The following CUBN variants were observed in gnomAD, a reference collection of about 807,000 sequenced individuals.
The protein encoded by CUBN is 460 kDa receptor.
Under a neutral mutation model 405.3 loss-of-function variants are expected in CUBN, and 282 were observed. The observed-to-expected ratio is 0.70, with a 90% CI of 0.63 to 0.77. CUBN has a LOEUF of 0.77. Among genes scored for constraint, CUBN ranks in the 30% least tolerant of loss-of-function variants. The pLI is 0.00. For synonymous variants in CUBN, 1,684 were observed against 1,617.0 expected, an observed-to-expected ratio of 1.04 and a Z score of -0.99; for missense variants, 4,514 against 4,475.2, an observed-to-expected ratio of 1.01 and a Z score of -0.25.
intron 6 of CUBN, 45 bp from the exon 7 acceptor site, chr10:17,115,642 G>A: frequency 1.2e-6 from 2 of 1,606,574 alleles, no homozygotes; most frequent in Admixed American, 1.7e-5. Context: ...GCGCTTTGGG[G>A]CCAGTGCCTG....
chr10:17,068,041 C>A (rs1258963047), intron 21 of CUBN, 23 bp downstream of exon 21: 3 of 1,562,206 alleles, frequency 1.9e-6, no homozygotes, highest in Non-Finnish European at 2.6e-6. Context: ...TATTGTTAAA[C>A]AAACAAACAA....
intron 40 of CUBN, among the ~76,000 whole-genome samples, chr10:16,929,686 G>A (rs1842311641): frequency 6.6e-6 from 1 of 152,150 alleles, no homozygotes; most frequent in Admixed American, 6.5e-5. Flanking sequence ...ATTCAAAAGT[G>A]TATCTCTTAT....
chr10:17,099,920 T>A, intron 14 of CUBN, 85 bp downstream of exon 14: 1 of 804,796 alleles, frequency 1.2e-6, no homozygotes, highest in East Asian at 2.4e-5. Context: ...CCAAAACATC[T>A]CATGTATCCA....
At chr10:17,023,615 G>A in intron 27 of CUBN, 1 of 455,942 alleles carries the variant, frequency 2.2e-6, no homozygotes, top group South Asian at 1.5e-5. Flanking sequence ...GTTAACCACA[G>A]GACGTTCCAG....
At chr10:16,883,595 T>A (rs1482808472) in intron 56 of CUBN, among the ~76,000 whole-genome samples, 1 of 152,158 alleles carries the variant, frequency 6.6e-6, no homozygotes, top group Non-Finnish European at 1.5e-5. Context: ...GGGAAAAAAA[T>A]GTCAAAAAGA....
chr10:16,960,350 G>C (rs1297857254), intron 31 of CUBN, among the ~76,000 whole-genome samples: 1 of 152,142 alleles, frequency 6.6e-6, no homozygotes, highest in African/African-American at 2.4e-5. Flanking sequence ...AAATTAGCCA[G>C]GCGTAGTGAC....
rs1197285357 is a variant in CUBN at position 16,920,136 on chromosome 10, G to A, written c.6648C>T (p.Ala2216=). ...CATGGATGTAGACGTTGCCCCCACAGGCTGTGAGCAAACACACTTAAATCA... is the reference window on the plus strand; with the variant it reads ...CATGGATGTAGACGTTGCCCCCACAAGCTGTGAGCAAACACACTTAAATCA... The part of the protein sequence containing the change: ...FKIKYEAKSL[A]CGGNVYIHDA... Residue 2216 remains alanine (A), a splice_region_variant and synonymous_variant, in exon 44 of 67, where the codon GCC becomes GCT. Coordinates refer to ENST00000377833, the MANE Select transcript of CUBN (RefSeq NM_001081.4). The A allele has an allele frequency of 6.2e-7, 1 of 1,613,914 alleles. No homozygotes were observed. The highest frequency in any genetic ancestry group is 8.5e-7 in the Non-Finnish European group (1 of 1,179,918).
chr10:16,882,047 C>T (rs1394544892), intron 56 of CUBN, among the ~76,000 whole-genome samples: 2 of 152,158 alleles, frequency 1.3e-5, no homozygotes, highest in African/African-American at 4.8e-5. Context: ...ACACAACACT[C>T]TCATAATTGG....
At chr10:16,921,101 A>G (rs2131469625) in intron 43 of CUBN, among the ~76,000 whole-genome samples, 1 of 152,324 alleles carries the variant, frequency 6.6e-6, no homozygotes, top group Middle Eastern at 3.4e-3. Context: ...ATGTTCTCCC[A>G]TCTCAACACA....
chr10:16,928,026 G>T, intron 41 of CUBN, 131 bp downstream of exon 41: 1 of 1,006,278 alleles, frequency 9.9e-7, no homozygotes, highest in Non-Finnish European at 1.5e-6. Context: ...CCAGAGCCTG[G>T]GCAGAGACCC....
rs1222777076 is a variant in CUBN at position 17,043,828 on chromosome 10, C to T, written c.3828G>A (p.Gln1276=). Reference sequence around the variant, plus strand: ...TACTCTGCCGGTATTCACACTTACTCTGCCGGTATTCAGCCTTGAAGCCAC... The same window carrying T: ...TACTCTGCCGGTATTCACACTTACTTTGCCGGTATTCAGCCTTGAAGCCAC... The part of the protein sequence containing the change: ...QGRGFKAEYR[Q]TCENVVIVNQ... Residue 1276 remains glutamine, a splice_region_variant and synonymous_variant, in exon 26 of 67, where the codon CAG becomes CAA. Coordinates refer to ENST00000377833, the MANE Select transcript of CUBN (RefSeq NM_001081.4). 6.2e-7 allele frequency: 1 copy of T among 1,612,700 alleles called. No homozygotes were observed.
At chr10:17,121,072 G>A (rs1837028768) in intron 6 of CUBN, among the ~76,000 whole-genome samples, 1 of 152,042 alleles carries the variant, frequency 6.6e-6, no homozygotes, top group Non-Finnish European at 1.5e-5. Context: ...AACAAAGGCA[G>A]GGAAAAAAGG....
At chr10:17,024,206 A>G (rs544049969) in intron 27 of CUBN, among the ~76,000 whole-genome samples, 1 of 152,292 alleles carries the variant, frequency 6.6e-6, no homozygotes, top group South Asian at 2.1e-4. Flanking sequence ...ATATAACACT[A>G]AAGACACCAC....
At chr10:16,988,727 T>C (rs1233916748) in intron 29 of CUBN, among the ~76,000 whole-genome samples, 1 of 152,180 alleles carries the variant, frequency 6.6e-6, no homozygotes. Context: ...GTCCATACTA[T>C]TCATATCGAC....
At position 16,904,100 on chromosome 10, in the gene CUBN, G is replaced by A; in HGVS notation, c.7928C>T (p.Pro2643Leu). ...LEFRVGDADGPLMWRLCGPSK... is the reference protein window; with the variant it reads ...LEFRVGDADGLLMWRLCGPSK... ...AGGACCACAAAGTCTCCACATCAGGGGCCCATCAGCATCACCTGAACAAAA... is the reference window on the plus strand; with the variant it reads ...AGGACCACAAAGTCTCCACATCAGGAGCCCATCAGCATCACCTGAACAAAA... The change falls in exon 51 of 67, where the codon CCC (proline) becomes CTC (leucine). Residue 2643 changes from proline to leucine, a missense_variant. By Grantham distance (98) the Pro-to-Leu change is moderately conservative. Coordinates refer to ENST00000377833, the MANE Select transcript of CUBN (RefSeq NM_001081.4). The A allele has an allele frequency of 1.2e-6, 2 of 1,613,738 alleles. No homozygotes were observed. Among genetic ancestry groups the A allele is most frequent in the East Asian group, 2.2e-5 (1 of 44,840 alleles).
chr10:16,826,032 G>A (rs1255165107), intron 66 of CUBN, among the ~76,000 whole-genome samples: 1 of 151,962 alleles, frequency 6.6e-6, no homozygotes. Flanking sequence ...TGACAAACTA[G>A]TATGTCAACA....
At chr10:17,020,833 T>C (rs1834477575) in intron 27 of CUBN, among the ~76,000 whole-genome samples, 1 of 152,218 alleles carries the variant, frequency 6.6e-6, no homozygotes, top group Non-Finnish European at 1.5e-5. Context: ...AATCTTTTGC[T>C]GATATAAATA....
At chr10:17,051,226 T>C (rs1005651807) in intron 22 of CUBN, among the ~76,000 whole-genome samples, 16 of 151,604 alleles carry the variant, frequency 1.1e-4, no homozygotes, top group Non-Finnish European at 1.8e-4. Flanking sequence ...CTGGGTGTGG[T>C]GGTGGGCGCC....
intron 28 of CUBN, among the ~76,000 whole-genome samples, chr10:17,017,447 G>A (rs1422558056): frequency 2.0e-5 from 3 of 152,098 alleles, no homozygotes; most frequent in Non-Finnish European, 4.4e-5. Context: ...TGTTAGTACT[G>A]GGACCTTACC....
Sources: allele counts gnomAD v4.1 joint callset (sites outside exome capture counted in the v4.1 genomes callset), GRCh38; gene constraint gnomAD v4.1.1; transcripts MANE v1.5; gene names NCBI Gene and HGNC (gene_info 2026-07-23, HGNC 2026-07-21).